Variants in KRT33A observed in about 807,000 individuals in gnomAD.
The protein encoded by KRT33A is keratin 33A, also known as keratin, type I cuticular Ha3-I.
KRT33A carries 44 observed loss-of-function variants against 41.1 expected under a neutral mutation model. The observed-to-expected ratio is 1.07, with a 90% CI of 0.84 to 1.38. KRT33A has a LOEUF of 1.38. Among genes scored for constraint, KRT33A ranks in the 40% most tolerant of loss-of-function variants. The pLI is 0.00. For synonymous variants in KRT33A, 229 were observed against 227.8 expected, an observed-to-expected ratio of 1.01 and a Z score of -0.05; for missense variants, 536 against 518.5, an observed-to-expected ratio of 1.03 and a Z score of -0.33.
rs186821313 is a variant in KRT33A at position 41,350,381 on chromosome 17, C to A, written c.348+39G>T. On this transcript the variant is annotated intron_variant, in intron 1 of 6. Coordinates refer to ENST00000007735, the MANE Select transcript of KRT33A (RefSeq NM_004138.4). ...AATCACAACTCGGATTCTCTCCCGA[C>A]AACTTCCTACTGGAGGCACTGTGTC... The A allele has an allele frequency of 8.9e-4, 1,414 of 1,596,558 alleles. 4 individuals are homozygous for A. Among genetic ancestry groups the A allele is most frequent in the Middle Eastern group, 5.2e-3 (31 of 5,980 alleles).
intron 6 of KRT33A, 23 bp downstream of exon 6, chr17:41,346,422 GAGA>G (rs2017416886): frequency 1.2e-6 from 2 of 1,613,040 alleles, no homozygotes; most frequent in Non-Finnish European, 1.7e-6. Flanking sequence ...ATGCCCCAAG[GAGA>G]AGATTACTAC....
chr17:41,348,566 G>A lies in KRT33A; in HGVS notation c.505C>T (p.Leu169=), dbSNP rs9905471. Residue 169 remains leucine, a synonymous_variant, in exon 3 of 7, where the codon CTG becomes TTG. Coordinates refer to ENST00000007735, the MANE Select transcript of KRT33A (RefSeq NM_004138.4). ...TCCAGGTCAGACCTGCACAGGGTCA[G>A]CTCATCCAGGATCCTGCGCAGGCCA... ...INGLRRILDE[L]TLCRSDLEAQ... 2.9e-4 allele frequency: 461 copies of A among 1,614,012 alleles called. 1 individual carries two copies. In the African/African-American group the frequency reaches 4.7e-3, roughly 16 times the overall value.
intron 1 of KRT33A, 83 bp from the exon 2 acceptor site, chr17:41,349,511 G>T: frequency 7.3e-7 from 1 of 1,374,162 alleles, no homozygotes. Context: ...CACTTCCTTG[G>T]AAGGATCAGG....
chr17:41,349,041 T>C (rs1379828026), intron 2 of KRT33A, among the ~76,000 whole-genome samples: 1 of 152,166 alleles, frequency 6.6e-6, no homozygotes, highest in African/African-American at 2.4e-5. Flanking sequence ...ATAATATGCT[T>C]CCACATTCTC....
intron 3 of KRT33A, among the ~76,000 whole-genome samples, chr17:41,348,118 C>A (rs964588788): frequency 1.3e-5 from 2 of 152,222 alleles, no homozygotes; most frequent in Non-Finnish European, 2.9e-5. Flanking sequence ...TCTAGCTCAG[C>A]CCTCTCTGCC....
intron 1 of KRT33A, among the ~76,000 whole-genome samples, chr17:41,349,821 G>A (rs572537562): frequency 4.6e-5 from 7 of 151,796 alleles, no homozygotes; most frequent in Non-Finnish European, 1.0e-4. Flanking sequence ...AATTGCAGGG[G>A]ACTGGATCAG....
rs769381563 is a variant in KRT33A, at chr17:41,347,028, G to A, written c.750+33C>T. The A allele has an allele frequency of 1.2e-5, 19 of 1,611,272 alleles. No individual in the cohort carries two copies. The Admixed American group carries it at 2.2e-4, about 18-fold the overall frequency. On this transcript the variant is annotated intron_variant, in intron 4 of 6. Coordinates refer to ENST00000007735, the MANE Select transcript of KRT33A (RefSeq NM_004138.4). The stretch of plus-strand genomic sequence containing the variant: ...TGCCTCCGGGGCCCTGGGGGGCCTC[G>A]GGTCCTGAGTGGCCACGTGCTTAGA...
At position 41,349,336 on chromosome 17, in the gene KRT33A, G is replaced by A. The variant is rs1443253665; in HGVS notation, c.431+10C>T. ...AGAAATAAACAGCAACACCCCGCTTGCCCACTCACTTGGTCCTGAAGTCAT... is the reference window on the plus strand; with the variant it reads ...AGAAATAAACAGCAACACCCCGCTTACCCACTCACTTGGTCCTGAAGTCAT... On this transcript the variant is annotated intron_variant, in intron 2 of 6. Transcript: ENST00000007735. The A allele has an allele frequency of 5.6e-6, 9 of 1,613,390 alleles. No homozygotes were observed. Among genetic ancestry groups the A allele is most frequent in the Non-Finnish European group, 6.8e-6 (8 of 1,179,412 alleles).
At position 41,350,590 on chromosome 17, in the gene KRT33A, T is replaced by C. The variant is rs754599301; in HGVS notation, c.178A>G (p.Met60Val). 7 of 1,613,562 alleles carry C rather than the reference T, an allele frequency of 4.3e-6. No homozygotes were observed. Among genetic ancestry groups the C allele is most frequent in the Non-Finnish European group, 5.9e-6 (7 of 1,180,044 alleles). ...GCCAGGCGGTCGTTCAGGAACTGCATGGTCTCCTTCTCACTGCCATTGAAG... is the reference window on the plus strand; with the variant it reads ...GCCAGGCGGTCGTTCAGGAACTGCACGGTCTCCTTCTCACTGCCATTGAAG... ...GSFNGSEKET[M>V]QFLNDRLASY... The change falls in exon 1 of 7, where the codon ATG becomes GTG. Residue 60 changes from methionine to valine, a missense_variant. Met to Val is a conservative substitution (Grantham distance 21). Transcript: ENST00000007735.
At position 41,350,444 on chromosome 17, in the gene KRT33A, C is replaced by G; in HGVS notation, c.324G>C (p.Lys108Asn). The stretch of plus-strand genomic sequence containing the variant: ...CCTTCTGCTGGAGCTCCTCAATGGT[C>G]TTGAAGTAGGACTGGTAGCTGGCAC... ...LVCASYQSYF[K>N]TIEELQQKIL... is the part of the protein sequence containing the mutation. Residue 108 changes from lysine to asparagine, a missense_variant, in exon 1 of 7, where the codon AAG becomes AAC. By Grantham distance (94) the Lys-to-Asn change is moderately conservative. Transcript: ENST00000007735. 6.2e-7 allele frequency: 1 copy of G among 1,614,090 alleles called. No individual in the cohort carries two copies. The highest frequency in any genetic ancestry group is 1.1e-5 in the South Asian group (1 of 91,062).
intron 2 of KRT33A, among the ~76,000 whole-genome samples, 160 bp downstream of exon 2, chr17:41,349,186 A>T (rs1435352773): frequency 6.6e-6 from 1 of 152,210 alleles, no homozygotes. Flanking sequence ...TGGGGAAAGG[A>T]TCTCTGAGCT....
chr17:41,348,340 A>C, intron 3 of KRT33A, 143 bp downstream of exon 3: 2 of 814,092 alleles, frequency 2.5e-6, no homozygotes, highest in Non-Finnish European at 3.8e-6. Context: ...TTTTTAGATT[A>C]GTCATTCTCT....
At position 41,347,170 on chromosome 17, in the gene KRT33A, T is replaced by C. The variant is rs1341582032; in HGVS notation, c.641A>G (p.Asp214Gly). 6.2e-7 allele frequency: 1 copy of C among 1,614,150 alleles called. No individual in the cohort carries two copies. The highest frequency in any genetic ancestry group is 1.7e-4 in the Middle Eastern group (1 of 6,058). ...GTTCAGGTCCACAGTGGGAGCAGCG[T>C]CCACCTCCACGTTGAGGCGGTCTCC... ...QLGDRLNVEV[D>G]AAPTVDLNQV... Residue 214 changes from aspartate to glycine, a missense_variant, in exon 4 of 7, where the codon GAC becomes GGC. Coordinates refer to ENST00000007735, the MANE Select transcript of KRT33A (RefSeq NM_004138.4).
rs2017489493 is a variant in KRT33A at position 41,350,481 on chromosome 17, T to G, written c.287A>C (p.Glu96Ala). The G allele has an allele frequency of 6.2e-7, 1 of 1,614,086 alleles. No individual in the cohort carries two copies. The highest frequency in any genetic ancestry group is 8.5e-7 in the Non-Finnish European group (1 of 1,180,032). ...CTGGTAGCTGGCACACACCAAGGGCTCCTGCTGCTGTGACCGCTCCCGGAT... is the reference window on the plus strand; with the variant it reads ...CTGGTAGCTGGCACACACCAAGGGCGCCTGCTGCTGTGACCGCTCCCGGAT... ...NLIRERSQQQ[E>A]PLVCASYQSY... Residue 96 changes from glutamate to alanine, a missense_variant, in exon 1 of 7, where the codon GAG (glutamate) becomes GCG (alanine). Transcript: ENST00000007735.
Position 41,350,741 on chromosome 17 carries a change from G to T in KRT33A, c.27C>A (p.Ser9Arg). The T allele has an allele frequency of 1.9e-6, 3 of 1,611,828 alleles. No homozygotes were observed. The highest frequency in any genetic ancestry group is 2.5e-6 in the Non-Finnish European group (3 of 1,179,588). ...AGGAGCAGCTGGTGCGGCAGCTCAG[G>T]CTGGGCAGGCCACAACTGTAAGACA... Reference protein sequence around the residue: MSYSCGLPSLSCRTSCSSR... With the variant: MSYSCGLPRLSCRTSCSSR... The change falls in exon 1 of 7, where the codon AGC becomes AGA. Residue 9 changes from serine to arginine, a missense_variant. Physicochemically the swap from Ser to Arg is moderately radical, Grantham distance 110 (BLOSUM62 -1). Coordinates refer to ENST00000007735, the MANE Select transcript of KRT33A (RefSeq NM_004138.4).
chr17:41,347,759 C>T (rs1273909008), intron 3 of KRT33A, among the ~76,000 whole-genome samples: 1 of 152,198 alleles, frequency 6.6e-6, no homozygotes, highest in East Asian at 1.9e-4. Context: ...TAGCTTGGTA[C>T]TTGGGCTTAG....
rs202198123 is a variant in KRT33A, at chr17:41,347,169, G to T, written c.642C>A (p.Asp214Glu). The change falls in exon 4 of 7, where the codon GAC becomes GAA. Residue 214 changes from aspartate (D) to glutamate (E), a missense_variant. Coordinates refer to ENST00000007735, the MANE Select transcript of KRT33A (RefSeq NM_004138.4). ...GGTTCAGGTCCACAGTGGGAGCAGC[G>T]TCCACCTCCACGTTGAGGCGGTCTC... The part of the protein sequence containing the change: ...QLGDRLNVEV[D>E]AAPTVDLNQV... 12 of 1,614,044 alleles carry T rather than the reference G, an allele frequency of 7.4e-6. No homozygotes were observed. The African/African-American group carries it at 1.3e-4, about 18-fold the overall frequency.
intron 6 of KRT33A, 57 bp downstream of exon 6, chr17:41,346,391 T>A: frequency 6.2e-7 from 1 of 1,606,356 alleles, no homozygotes; most frequent in Non-Finnish European, 8.5e-7. Flanking sequence ...AGAAGACTAT[T>A]CATCTCCACA....
intron 2 of KRT33A, 40 bp downstream of exon 2, chr17:41,349,306 A>C: frequency 6.3e-7 from 1 of 1,594,868 alleles, no homozygotes; most frequent in Non-Finnish European, 8.6e-7. Context: ...GGGCTGCCAG[A>C]GAAGAGAAAT....
Sources: gnomAD v4.1 joint callset for allele counts (sites outside exome capture counted in the v4.1 genomes callset) on GRCh38, gnomAD v4.1.1 for gene constraint, MANE v1.5 for transcripts, NCBI Gene and HGNC (gene_info 2026-07-23, HGNC 2026-07-21) for gene names.